The following PTPRA variants were observed in gnomAD, a reference collection of about 807,000 sequenced individuals.
The protein encoded by PTPRA is protein tyrosine phosphatase receptor type A.
Under a neutral mutation model 104.8 loss-of-function variants are expected in PTPRA, and 25 were observed. That is an observed-to-expected ratio of 0.24 (90% CI 0.17 to 0.33). The LOEUF (loss-of-function observed/expected upper bound fraction) is 0.33. Ranked by LOEUF, PTPRA falls within the 10% of genes least tolerant of loss-of-function variation. The pLI is 1.00. For missense variants in PTPRA, 765 were observed against 1,015.3 expected (o/e 0.75, Z 3.35); for synonymous variants, 323 against 368.9 (o/e 0.88, Z 1.43).
intron 9 of PTPRA, among the ~76,000 whole-genome samples, chr20:2,990,663 G>A (rs1026147129): frequency 6.6e-6 from 1 of 152,162 alleles, no homozygotes; most frequent in African/African-American, 2.4e-5. Context: ...CCTGCGGGGT[G>A]GAGGTTGCAG....
At position 2,986,783 on chromosome 20, in the gene PTPRA, C is replaced by T. The variant is rs141624004; in HGVS notation, c.461C>T (p.Ala154Val). ...ATTTCAGATGAGACACCAATTATTG[C>T]GGTGATGGTGGCCCTGTCCTCTCTG... ...KDRRDETPII[A>V]VMVALSSLLV... The change falls in exon 7 of 24, where the codon GCG (alanine) becomes GTG (valine). Residue 154 changes from alanine to valine, a missense_variant. By Grantham distance (64) the Ala-to-Val change is moderately conservative (BLOSUM62 0). Transcript: ENST00000399903. 27 of 1,612,404 alleles carry T rather than the reference C, an allele frequency of 1.7e-5. No homozygotes were observed. The African/African-American group carries it at 3.5e-4, about 21-fold the overall frequency.
chr20:3,012,973 C>T (rs1190785963), intron 11 of PTPRA, among the ~76,000 whole-genome samples: 2 of 152,094 alleles, frequency 1.3e-5, no homozygotes, highest in Non-Finnish European at 2.9e-5. Context: ...CCAGAGTTTA[C>T]AATTCAGTGT....
chr20:2,910,763 G>A lies in PTPRA; in HGVS notation c.-128-12444G>A, dbSNP rs374877865. Among the ~76,000 whole-genome samples, 14 of 149,958 alleles carry A rather than the reference G, an allele frequency of 9.3e-5. No homozygotes were observed. The East Asian group carries it at 1.6e-3, about 17-fold the overall frequency. On this transcript the variant is annotated intron_variant, in intron 1 of 23. Coordinates refer to ENST00000399903, the MANE Select transcript of PTPRA (RefSeq NM_001385305.1). ...CTGGGACTACAGGCACCCACCACAC[G>A]TCCAGCTAATTTTTTGTATTTTTAG...
chr20:2,922,341 T>C (rs1445850831), intron 1 of PTPRA, among the ~76,000 whole-genome samples: 1 of 152,126 alleles, frequency 6.6e-6, no homozygotes, highest in African/African-American at 2.4e-5. Context: ...TTTTATTGAT[T>C]GATTGATTGA....
intron 5 of PTPRA, among the ~76,000 whole-genome samples, chr20:2,970,458 T>C (rs1303872699): frequency 6.6e-6 from 1 of 152,234 alleles, no homozygotes; most frequent in African/African-American, 2.4e-5. Context: ...TGCATTTTGC[T>C]GAGATTGAGC....
chr20:2,929,807 A>G (rs1048324497), intron 2 of PTPRA, among the ~76,000 whole-genome samples: 2 of 152,186 alleles, frequency 1.3e-5, no homozygotes, highest in African/African-American at 2.4e-5. Context: ...CCTGAGTAAC[A>G]GAACAAGACC....
intron 9 of PTPRA, among the ~76,000 whole-genome samples, chr20:2,998,102 G>T (rs1423659365): frequency 6.6e-6 from 1 of 150,726 alleles, no homozygotes; most frequent in Non-Finnish European, 1.5e-5. Flanking sequence ...TTATAGAGCT[G>T]CAGGAGCTAC....
At chr20:2,866,686 G>A in the PTPRA span, 4 of 1,476,160 alleles carry the variant, frequency 2.7e-6, no homozygotes, top group Non-Finnish European at 3.7e-6. Context: ...AGGAGCGGGG[G>A]CATGGTAGCA....
At chr20:2,978,071 C>G (rs184914553) in intron 6 of PTPRA, among the ~76,000 whole-genome samples, 1 of 152,042 alleles carries the variant, frequency 6.6e-6, no homozygotes, top group Non-Finnish European at 1.5e-5. Flanking sequence ...AGGATCTGTG[C>G]GCAGTTGACA....
chr20:2,891,966 T>C (rs1364347542), intron 1 of PTPRA, among the ~76,000 whole-genome samples: 1 of 152,158 alleles, frequency 6.6e-6, no homozygotes, highest in East Asian at 1.9e-4. Flanking sequence ...TTTATTTTTT[T>C]GATCTGTGGA....
chr20:2,915,155 C>A (rs909783041), intron 1 of PTPRA, among the ~76,000 whole-genome samples: 5 of 151,862 alleles, frequency 3.3e-5, no homozygotes, highest in Non-Finnish European at 7.4e-5. Context: ...CATAGGCCAT[C>A]ATAGCATGCT....
Position 3,027,140 on chromosome 20 carries a change from C to G in PTPRA, c.1728C>G (p.Ile576Met), listed in dbSNP as rs762888299. The G allele has an allele frequency of 6.2e-7, 1 of 1,614,132 alleles. No homozygotes were observed. The highest frequency in any genetic ancestry group is 1.1e-5 in the South Asian group (1 of 91,082). The change falls in exon 19 of 24, where the codon ATC becomes ATG. Residue 576 changes from isoleucine to methionine, a missense_variant. By Grantham distance (10) the Ile-to-Met change is conservative (BLOSUM62 1). Coordinates refer to ENST00000399903, the MANE Select transcript of PTPRA (RefSeq NM_001385305.1). ...QIIPYEFNRV[I>M]IPVKRGEENT... The stretch of plus-strand genomic sequence containing the variant: ...TTACAGATGAATTCAACAGAGTGAT[C>G]ATTCCAGTTAAGCGGGGCGAAGAGA...
intron 1 of PTPRA, among the ~76,000 whole-genome samples, chr20:2,905,499 T>C (rs2059391452): frequency 6.6e-6 from 1 of 152,140 alleles, no homozygotes; most frequent in South Asian, 2.1e-4. Flanking sequence ...AGTACTGTAA[T>C]TTTATAATTT....
chr20:2,975,333 A>G (rs2062387370), intron 6 of PTPRA, 92 bp downstream of exon 6: 2 of 1,154,208 alleles, frequency 1.7e-6, no homozygotes, highest in Middle Eastern at 2.0e-4. Context: ...AACCGTGTGC[A>G]TCTGTGGCTG....
rs181657309 is a variant in PTPRA at position 2,969,830 on chromosome 20, C to T, written c.415+4628C>T. ...AAAATACAAAAAAAAATTAGCTGGG[C>T]GTGGTGGCAGGTGCCTGTAGTCCCA... On this transcript the variant is annotated intron_variant, in intron 5 of 23. Transcript: ENST00000399903. Among the ~76,000 whole-genome samples, 494 of 151,850 alleles carry T rather than the reference C, an allele frequency of 3.3e-3. 3 individuals carry two copies. Among genetic ancestry groups the T allele is most frequent in the African/African-American group, 0.011 (472 of 41,464 alleles).
Position 3,027,722 on chromosome 20 carries a change from G to A in PTPRA, c.1801G>A (p.Asp601Asn). Residue 601 changes from aspartate (D) to asparagine (N), a missense_variant, in exon 20 of 24, where the codon GAC (aspartate) becomes AAC (asparagine). This residue lies in a region of PTPRA where 192 missense variants were observed against 227.0 expected (regional missense o/e 0.85). Transcript: ENST00000399903. ...ASFIDGYRQKDSYIASQGPLL... is the reference protein window; with the variant it reads ...ASFIDGYRQKNSYIASQGPLL... ...GCCTGTGCAGGGCTACCGGCAGAAG[G>A]ACTCCTATATCGCCAGCCAGGGCCC... 6.2e-7 allele frequency: 1 copy of A among 1,614,066 alleles called. No homozygotes were observed. Among genetic ancestry groups the A allele is most frequent in the Non-Finnish European group, 8.5e-7 (1 of 1,180,024 alleles).
chr20:2,920,270 A>G (rs963743111), intron 1 of PTPRA, among the ~76,000 whole-genome samples: 2 of 152,216 alleles, frequency 1.3e-5, no homozygotes, highest in Non-Finnish European at 2.9e-5. Flanking sequence ...GAGTTTGGAA[A>G]GAGCTTGAGG....
intron 4 of PTPRA, 75 bp downstream of exon 4, chr20:2,964,425 C>G: frequency 8.2e-7 from 1 of 1,212,754 alleles, no homozygotes; most frequent in Non-Finnish European, 1.2e-6. Context: ...CATTTGAAAA[C>G]CGAGATGGTA....
At chr20:2,937,495 C>G (rs2060748803) in intron 2 of PTPRA, among the ~76,000 whole-genome samples, 1 of 152,072 alleles carries the variant, frequency 6.6e-6, no homozygotes. Context: ...TCAGGGACTG[C>G]TATAATTTTT....
Sources: gnomAD v4.1 joint callset for allele counts (sites outside exome capture counted in the v4.1 genomes callset) on GRCh38, gnomAD v4.1.1 for gene constraint, gnomAD v4.1.1 regional missense constraint, MANE v1.5 for transcripts, NCBI Gene and HGNC (gene_info 2026-07-23, HGNC 2026-07-21) for gene names.